Variants in TMEM120B observed in about 807,000 individuals in gnomAD.
TMEM120B encodes the protein transmembrane protein 120B.
TMEM120B carries 31 observed loss-of-function variants against 55.5 expected under a neutral mutation model. The ratio of observed to expected loss-of-function variants is 0.56; its 90% CI spans 0.42 to 0.75. The LOEUF (loss-of-function observed/expected upper bound fraction) is 0.75, where lower values mean the gene tolerates loss of function less well. Ranked by LOEUF, TMEM120B falls within the 30% of genes least tolerant of loss-of-function variation. The pLI, the probability that TMEM120B is intolerant of heterozygous loss-of-function variation, is 0.00. For synonymous variants in TMEM120B, 203 were observed against 176.3 expected (o/e 1.15, Z -1.20); for missense variants, 399 against 425.5 (o/e 0.94, Z 0.55).
intron 5 of TMEM120B, chr12:121,758,136 T>C (rs1347080176): frequency 2.0e-6 from 2 of 984,710 alleles, no homozygotes; most frequent in African/African-American, 3.5e-5. Flanking sequence ...AGAGCCTTTG[T>C]CAGTGCCTCC....
intron 6 of TMEM120B, among the ~76,000 whole-genome samples, chr12:121,764,470 G>A (rs372418905): frequency 1.9e-4 from 29 of 152,014 alleles, no homozygotes; most frequent in East Asian, 9.8e-4. Flanking sequence ...GTGGTGAGCC[G>A]AGATCATGCC....
At position 121,763,755 on chromosome 12, in the gene TMEM120B, C is replaced by T. The variant is rs191967139; in HGVS notation, c.551+2017C>T. ...ACCGCGCCCTGCCAACGTGCCATTC[C>T]GGTTCCTGTTCTTTCCTGAAACAAA... On this transcript the variant is annotated intron_variant, in intron 6 of 11. Coordinates refer to ENST00000449592, the MANE Select transcript of TMEM120B (RefSeq NM_001080825.2). 5.3e-5 allele frequency among the ~76,000 whole-genome samples: 8 copies of T among 152,188 alleles called. No homozygotes were observed. The East Asian group carries it at 1.4e-3, about 26-fold the overall frequency.
intron 4 of TMEM120B, among the ~76,000 whole-genome samples, chr12:121,751,132 A>C (rs1873304648): frequency 3.5e-5 from 3 of 86,320 alleles, no homozygotes; most frequent in African/African-American, 4.8e-5. Context: ...CACACCCCAC[A>C]CCTTACACCC....
chr12:121,764,578 C>A (rs1437986279), intron 6 of TMEM120B, among the ~76,000 whole-genome samples: 1 of 151,664 alleles, frequency 6.6e-6, no homozygotes, highest in Non-Finnish European at 1.5e-5. Context: ...ACTCAGGAGG[C>A]TGAGGTGGGA....
Position 121,779,620 on chromosome 12 carries a change from CCAGGTAGAGAG to C in TMEM120B, c.*3902_*3912del. Reference sequence around the variant, plus strand: ...TTCTCCCGAAACTTGGCGGAACATTCCAGGTAGAGAGCAGCTCGGATCTGTTCGCAGGCGCT... The same window carrying C: ...TTCTCCCGAAACTTGGCGGAACATTCCAGCTCGGATCTGTTCGCAGGCGCT... On this transcript the variant is annotated 3_prime_UTR_variant, in exon 12 of 12. Coordinates refer to ENST00000449592, the MANE Select transcript of TMEM120B (RefSeq NM_001080825.2). 2.5e-6 allele frequency: 4 copies of C among 1,614,202 alleles called. 1 individual carries two copies. The highest frequency in any genetic ancestry group is 2.2e-5 in the South Asian group (2 of 91,088).
chr12:121,776,106 C>A lies in TMEM120B; in HGVS notation c.*384C>A, dbSNP rs1036331386. 5 of 488,460 alleles carry A rather than the reference C, an allele frequency of 1.0e-5. No individual in the cohort carries two copies. The highest frequency in any genetic ancestry group is 5.1e-4 in the Middle Eastern group (1 of 1,966). 30.3% of individuals were successfully genotyped at this position (488,460 alleles called of 1,614,324 possible). ...CCTCGCGGGGTTGGATTTATGCTGA[C>A]CTGCTACTTACCAGGCCCAGGCTGG... On this transcript the variant is annotated 3_prime_UTR_variant, in exon 12 of 12. Coordinates refer to ENST00000449592, the MANE Select transcript of TMEM120B (RefSeq NM_001080825.2).
At position 121,775,479 on chromosome 12, in the gene TMEM120B, C is replaced by T; in HGVS notation, c.907-130C>T. The T allele has an allele frequency of 6.9e-7, 1 of 1,453,704 alleles. No individual in the cohort carries two copies. The highest frequency in any genetic ancestry group is 2.4e-5 in the East Asian group (1 of 41,234). The allele number at this position is 1,453,704 out of a possible 1,614,324, so 90.1% of individuals were successfully genotyped here. A position where few individuals can be genotyped will look rare whatever the true frequency, so the allele number is the denominator to read the frequency against. On this transcript the variant is annotated intron_variant, in intron 11 of 11. Coordinates refer to ENST00000449592, the MANE Select transcript of TMEM120B (RefSeq NM_001080825.2). The surrounding 1 kb of genome is among the most constrained non-coding windows in gnomAD (Gnocchi z 4.3). Reference sequence around the variant, plus strand: ...CCCTTCCCCCAGGTCTCCTGAATCTCTGCCTTCGATGGCAAAACCCTGCAG... The same window carrying T: ...CCCTTCCCCCAGGTCTCCTGAATCTTTGCCTTCGATGGCAAAACCCTGCAG...
rs377728925 is a variant in TMEM120B, at chr12:121,779,458, G to A, written c.*3736G>A. ...TGGTGCAATCGGCACCTGGGCCCCC[G>A]GGCCCTGTCAGTGCTGTCGTGAGGT... On this transcript the variant is annotated 3_prime_UTR_variant, in exon 12 of 12. Transcript: ENST00000449592. The A allele has an allele frequency of 2.0e-4, 318 of 1,599,412 alleles. No individual in the cohort carries two copies. Among genetic ancestry groups the A allele is most frequent in the Admixed American group, 3.4e-4 (20 of 59,458 alleles).
intron 1 of TMEM120B, among the ~76,000 whole-genome samples, chr12:121,736,808 G>A (rs971345420): frequency 5.3e-5 from 8 of 152,196 alleles, no homozygotes; most frequent in African/African-American, 1.9e-4. Context: ...GCCTCCCAAA[G>A]TGTCGGGATT....
At chr12:121,723,859 G>A (rs1894841346) in intron 1 of TMEM120B, among the ~76,000 whole-genome samples, 2 of 152,014 alleles carry the variant, frequency 1.3e-5, no homozygotes. Context: ...CTAGAGTGCG[G>A]GGGTGTGATC....
intron 10 of TMEM120B, 149 bp downstream of exon 10, chr12:121,774,871 C>T: frequency 1.7e-6 from 2 of 1,194,658 alleles, no homozygotes; most frequent in Non-Finnish European, 2.4e-6. Context: ...CCCAGGGATG[C>T]CAAGGCAGGA....
rs558741733 is a variant in TMEM120B, at chr12:121,776,838, G to C, written c.*1116G>C. 8 of 151,850 alleles carry C rather than the reference G, an allele frequency of 5.3e-5. No homozygotes were observed. Among genetic ancestry groups the C allele is most frequent in the African/African-American group, 1.9e-4 (8 of 41,312 alleles). The allele number at this position is 151,850 out of a possible 1,614,324, so 9.4% of individuals were successfully genotyped here. A position where few individuals can be genotyped will look rare whatever the true frequency, so the allele number is the denominator to read the frequency against. ...TTGAGACAGGGTCTGTTGCCTAGGC[G>C]GGAGTGCAGTGGCATCATAGGTCAC... is the stretch of plus-strand genomic sequence containing the variant. On this transcript the variant is annotated 3_prime_UTR_variant, in exon 12 of 12. Transcript: ENST00000449592.
chr12:121,743,593 T>C (rs1872995296), intron 1 of TMEM120B, 36 bp from the exon 2 acceptor site: 1 of 1,503,424 alleles, frequency 6.7e-7, no homozygotes, highest in Non-Finnish European at 9.2e-7. Flanking sequence ...GTTCATATTC[T>C]CCCACACACC....
chr12:121,721,558 G>A (rs528506894), intron 1 of TMEM120B, among the ~76,000 whole-genome samples: 47 of 151,262 alleles, frequency 3.1e-4, no homozygotes, highest in African/African-American at 9.5e-4. Context: ...TGCAACCTCC[G>A]CCTTCTGGTT....
chr12:121,765,625 TTG>T lies in TMEM120B; in HGVS notation c.551+3891_551+3892del, dbSNP rs375948437. 3.3e-5 allele frequency among the ~76,000 whole-genome samples: 5 copies of T among 152,266 alleles called. No individual in the cohort carries two copies. In the East Asian group the frequency reaches 9.6e-4, roughly 29 times the overall value. ...TCTATTTAGGTTAGTCTAAAAGTAT[TTG>T]TGTTTTGCAGTCATTTTTTGCACCA... On this transcript the variant is annotated intron_variant, in intron 6 of 11. Transcript: ENST00000449592.
intron 6 of TMEM120B, among the ~76,000 whole-genome samples, chr12:121,770,003 A>G (rs1873984403): frequency 6.6e-6 from 1 of 152,162 alleles, no homozygotes; most frequent in Admixed American, 6.5e-5. Context: ...GGTGACAGCT[A>G]GTCTGAAGCT....
At chr12:121,774,782 G>T in intron 10 of TMEM120B, 60 bp downstream of exon 10, 1 of 1,575,196 alleles carries the variant, frequency 6.3e-7, no homozygotes. Context: ...GGAACAGAAG[G>T]TCTTCAGGCC....
intron 8 of TMEM120B, 66 bp from the exon 9 acceptor site, chr12:121,773,355 G>C: frequency 2.8e-6 from 4 of 1,454,350 alleles, no homozygotes; most frequent in Non-Finnish European, 3.8e-6. Flanking sequence ...GCTTGGGGCA[G>C]AGAGGTGTGG....
rs552914845 is a variant in TMEM120B at position 121,745,749 on chromosome 12, A to G, written c.188+2002A>G. Among the ~76,000 whole-genome samples, 40 of 152,230 alleles carry G rather than the reference A, an allele frequency of 2.6e-4. 1 individual carries two copies. In the South Asian group the frequency reaches 8.1e-3, roughly 31 times the overall value. ...ACCCAGGCTGGAGTGCAGTGGCGCA[A>G]TCACGGCTCACCACAGCCTTGATCT... On this transcript the variant is annotated intron_variant, in intron 2 of 11. Coordinates refer to ENST00000449592, the MANE Select transcript of TMEM120B (RefSeq NM_001080825.2).
Sources: gnomAD v4.1 joint callset for allele counts (sites outside exome capture counted in the v4.1 genomes callset) on GRCh38, gnomAD v4.1.1 for gene constraint, Gnocchi (gnomAD v3.1) non-coding constraint, MANE v1.5 for transcripts, NCBI Gene and HGNC (gene_info 2026-07-23, HGNC 2026-07-21) for gene names.